The following TBC1D5 variants were observed in gnomAD, a reference collection of about 807,000 sequenced individuals.
TBC1D5 encodes TBC1 domain family member 5, also known as TBC1 domain family, member 5.
TBC1D5 carries 75 observed loss-of-function variants against 100.3 expected under a neutral mutation model. The observed-to-expected ratio is 0.75, with a 90% CI of 0.62 to 0.91. TBC1D5 has a LOEUF of 0.91. TBC1D5 is among the 40% of genes least tolerant of loss of function. The pLI is 0.00. For synonymous variants in TBC1D5, 323 were observed against 325.6 expected (o/e 0.99, Z 0.09); for missense variants, 910 against 942.4 (o/e 0.97, Z 0.45).
intron 2 of TBC1D5, among the ~76,000 whole-genome samples, chr3:17,548,381 C>T (rs1178334204): frequency 6.6e-6 from 1 of 152,090 alleles, no homozygotes; most frequent in African/African-American, 2.4e-5. Flanking sequence ...ATGGCAATCA[C>T]TTCTCTATGA....
At chr3:17,284,770 C>A (rs530846345) in intron 15 of TBC1D5, among the ~76,000 whole-genome samples, 19 of 152,232 alleles carry the variant, frequency 1.2e-4, no homozygotes, top group African/African-American at 4.6e-4. Flanking sequence ...TTAGAGCCAG[C>A]ATTTACTCAG....
At chr3:17,286,514 T>C (rs1353314894) in intron 15 of TBC1D5, among the ~76,000 whole-genome samples, 1 of 152,240 alleles carries the variant, frequency 6.6e-6, no homozygotes, top group Non-Finnish European at 1.5e-5. Flanking sequence ...ATCTGCTTAG[T>C]AGTTCTAATA....
intron 5 of TBC1D5, 84 bp downstream of exon 5, chr3:17,406,334 C>T (rs1313779794): frequency 1.4e-5 from 17 of 1,189,512 alleles, no homozygotes; most frequent in Middle Eastern, 4.0e-4. Context: ...TTCAGTGATC[C>T]CCTGCATGGC....
chr3:17,666,786 A>T (rs1412679151), intron 1 of TBC1D5, among the ~76,000 whole-genome samples: 2 of 152,170 alleles, frequency 1.3e-5, no homozygotes, highest in Non-Finnish European at 2.9e-5. Flanking sequence ...CAAAAGAAAG[A>T]AGTGCTGATT....
At chr3:17,161,364 C>T in intron 21 of TBC1D5, 108 bp from the exon 23 acceptor site, 1 of 1,272,768 alleles carries the variant, frequency 7.9e-7, no homozygotes, top group Non-Finnish European at 1.1e-6. Context: ...TAGGCCACCT[C>T]ACCCTACATT....
chr3:17,694,017 G>A (rs2071600012), intron 1 of TBC1D5, among the ~76,000 whole-genome samples: 1 of 152,146 alleles, frequency 6.6e-6, no homozygotes. Context: ...CTGTTAGAAG[G>A]AAAACTAACA....
At chr3:17,510,416 G>T (rs116139415) in intron 2 of TBC1D5, among the ~76,000 whole-genome samples, 1 of 151,962 alleles carries the variant, frequency 6.6e-6, no homozygotes, top group East Asian at 1.9e-4. Flanking sequence ...ATAAGCAGAG[G>T]ATTAGGGAAA....
At chr3:17,201,650 C>T (rs572607102) in intron 18 of TBC1D5, among the ~76,000 whole-genome samples, 5 of 152,224 alleles carry the variant, frequency 3.3e-5, no homozygotes, top group East Asian at 1.9e-4. Flanking sequence ...GGGTGGATTT[C>T]GCCCTTGCTG....
At chr3:17,356,596 T>C (rs184323883) in intron 13 of TBC1D5, among the ~76,000 whole-genome samples, 1 of 152,222 alleles carries the variant, frequency 6.6e-6, no homozygotes, top group African/African-American at 2.4e-5. Context: ...AAGCATAAAC[T>C]GAAGAAATTT....
At chr3:17,406,568 A>C in intron 4 of TBC1D5, 42 bp from the exon 5 acceptor site, 1 of 1,563,308 alleles carries the variant, frequency 6.4e-7, no homozygotes, top group South Asian at 1.2e-5. Context: ...TTTTGTTAAA[A>C]TTCCTCTGCT....
chr3:17,667,935 T>C (rs530574320), intron 1 of TBC1D5, among the ~76,000 whole-genome samples: 4 of 151,850 alleles, frequency 2.6e-5, no homozygotes, highest in Admixed American at 2.6e-4. Flanking sequence ...TATTTTAAGA[T>C]TAACGCATTT....
chr3:17,500,368 T>C lies in TBC1D5; in HGVS notation c.97+8106A>G, dbSNP rs1440056591. Among the ~76,000 whole-genome samples, 3 of 149,318 alleles carry C rather than the reference T, an allele frequency of 2.0e-5. 1 individual carries two copies. The highest frequency in any genetic ancestry group is 7.6e-5 in the African/African-American group (3 of 39,296). On this transcript the variant is annotated intron_variant, in intron 3 of 21. Coordinates refer to ENST00000253692, the Ensembl canonical transcript of TBC1D5. ...TCTCAACACAATGTAAGAACATAAA[T>C]ACAAAAAACAATCACCTAAATCTAA...
At chr3:17,611,380 T>G (rs1157660851) in intron 2 of TBC1D5, among the ~76,000 whole-genome samples, 1 of 151,476 alleles carries the variant, frequency 6.6e-6, no homozygotes, top group East Asian at 1.9e-4. Flanking sequence ...ACAAATAGAG[T>G]TTAAAAGAAG....
intron 1 of TBC1D5, among the ~76,000 whole-genome samples, chr3:17,691,441 A>C (rs969186747): frequency 6.6e-6 from 1 of 152,202 alleles, no homozygotes; most frequent in Non-Finnish European, 1.5e-5. Flanking sequence ...ATTTCATAGG[A>C]GATCCAATAA....
chr3:17,683,740 C>T (rs186906710), intron 1 of TBC1D5, among the ~76,000 whole-genome samples: 1 of 152,136 alleles, frequency 6.6e-6, no homozygotes, highest in African/African-American at 2.4e-5. Context: ...CTTAACATCT[C>T]TAAGTCTCTA....
exon 22 of TBC1D5, chr3:17,159,750 A>G (rs1294627207): frequency 6.6e-6 from 1 of 152,322 alleles, no homozygotes; most frequent in African/African-American, 2.4e-5. Context: ...CGGTCCCGGC[A>G]GTGGGGCCCA....
chr3:17,428,409 G>GTATATA (rs761867627), intron 4 of TBC1D5, 41 bp downstream of exon 4: 92 of 386,350 alleles, frequency 2.4e-4, no homozygotes, highest in East Asian at 8.5e-4. Context: ...GTGTGTGTGT[G>GTATATA]TGTATATATA....
At chr3:17,431,292 C>G (rs149393182) in intron 3 of TBC1D5, among the ~76,000 whole-genome samples, 1,778 of 151,992 alleles carry the variant, frequency 0.012, 16 homozygotes, top group Non-Finnish European at 0.017. Flanking sequence ...TAATCTTACA[C>G]AAAGACTATT....
intron 8 of TBC1D5, among the ~76,000 whole-genome samples, chr3:17,402,980 T>C (rs1450524338): frequency 6.6e-6 from 1 of 152,078 alleles, no homozygotes; most frequent in African/African-American, 2.4e-5. Flanking sequence ...AATTTACTTT[T>C]AAAAAGGGAA....
Sources: allele counts gnomAD v4.1 joint callset (sites outside exome capture counted in the v4.1 genomes callset), GRCh38; gene constraint gnomAD v4.1.1; transcripts MANE v1.5; gene names NCBI Gene and HGNC (gene_info 2026-07-23, HGNC 2026-07-21).